RNFT2: variants seen among roughly 807,000 people sequenced by gnomAD.
RNFT2 encodes the protein E3 ubiquitin-protein ligase RNFT2.
RNFT2 carries 36 observed loss-of-function variants against 53.0 expected under a neutral mutation model. The observed-to-expected ratio is 0.68, with a 90% CI of 0.52 to 0.90. RNFT2 has a LOEUF of 0.90. RNFT2 is among the 40% of genes least tolerant of loss of function. The probability of loss-of-function intolerance (pLI) is 0.00; values close to 1 mark genes in which losing one functional copy is unlikely to be tolerated. For synonymous variants in RNFT2, 260 were observed against 253.2 expected (o/e 1.03, Z -0.26); for missense variants, 514 against 585.6 (o/e 0.88, Z 1.26).
chr12:116,795,300 C>A (rs1874451347), intron 7 of RNFT2, among the ~76,000 whole-genome samples: 1 of 151,872 alleles, frequency 6.6e-6, no homozygotes, highest in Non-Finnish European at 1.5e-5. Flanking sequence ...CCCAGCTACT[C>A]CAGAGGCTGA....
intron 7 of RNFT2, among the ~76,000 whole-genome samples, chr12:116,801,907 C>T (rs148141270): frequency 0.02 from 3,114 of 152,042 alleles, 117 homozygotes; most frequent in African/African-American, 0.071. Context: ...TTGCCACCTC[C>T]GCCTCCCAGG....
chr12:116,809,458 G>A (rs1875256646), intron 7 of RNFT2, among the ~76,000 whole-genome samples: 1 of 151,894 alleles, frequency 6.6e-6, no homozygotes, highest in African/African-American at 2.4e-5. Flanking sequence ...CTTTTTTGCT[G>A]GAATGGGCCA....
chr12:116,848,118 T>G (rs919127680), intron 10 of RNFT2, among the ~76,000 whole-genome samples: 4 of 152,156 alleles, frequency 2.6e-5, no homozygotes, highest in African/African-American at 9.7e-5. Context: ...GTTCCTGTGT[T>G]AGTTTGCTGA....
intron 5 of RNFT2, among the ~76,000 whole-genome samples, chr12:116,758,344 A>G (rs953646025): frequency 6.6e-6 from 1 of 152,230 alleles, no homozygotes; most frequent in Admixed American, 6.5e-5. Context: ...AATGTGAGGT[A>G]CCATTGCATT....
At chr12:116,800,059 A>G (rs1428827085) in intron 7 of RNFT2, among the ~76,000 whole-genome samples, 1 of 152,164 alleles carries the variant, frequency 6.6e-6, no homozygotes, top group Non-Finnish European at 1.5e-5. Context: ...CTCTCTCAAC[A>G]TGTGACACAC....
chr12:116,852,291 G>C lies in RNFT2; in HGVS notation c.*2843G>C, dbSNP rs903774. 1,118,026 of 1,236,146 alleles carry C rather than the reference G, an allele frequency of 0.9. 507,142 individuals carry two copies. The highest frequency in any genetic ancestry group is 0.93 in the Admixed American group (23,552 of 25,312). The allele number at this position is 1,236,146 out of a possible 1,614,324, so 76.6% of individuals were successfully genotyped here. Reference sequence around the variant, plus strand: ...AATGGAGGAGCTTTGTAGCCACCTCGCTGTCAGCCAGTATTAACATGTCCC... The same window carrying C: ...AATGGAGGAGCTTTGTAGCCACCTCCCTGTCAGCCAGTATTAACATGTCCC... On this transcript the variant is annotated 3_prime_UTR_variant, in exon 11 of 11. Coordinates refer to ENST00000257575, the MANE Select transcript of RNFT2 (RefSeq NM_001382266.1).
chr12:116,836,416 T>G (rs1485721236), intron 10 of RNFT2, 134 bp downstream of exon 10: 1 of 711,190 alleles, frequency 1.4e-6, no homozygotes, highest in African/African-American at 1.8e-5. Flanking sequence ...CAGCCAGACC[T>G]GGGTTCCAAT....
Position 116,763,568 on chromosome 12 carries a change from A to G in RNFT2, c.628-3246A>G, listed in dbSNP as rs181412493. Among the ~76,000 whole-genome samples the G allele has an allele frequency of 2.6e-5, 4 of 151,832 alleles. 1 individual carries two copies. The East Asian group carries it at 7.8e-4, about 29-fold the overall frequency. ...TGGATCACAAGGTCAGGAGATCGAG[A>G]CCATCCTGGCTAACACAGTGAAACC... On this transcript the variant is annotated intron_variant, in intron 5 of 10. Transcript: ENST00000257575.
At chr12:116,742,664 G>T (rs1592932491) in intron 3 of RNFT2, among the ~76,000 whole-genome samples, 2 of 152,216 alleles carry the variant, frequency 1.3e-5, no homozygotes, top group South Asian at 4.2e-4. Context: ...TGAAGGAAGG[G>T]CCATGCAGTG....
In RNFT2 at chr12:116,812,434, G is replaced by A. The variant is rs540972595; in HGVS notation, c.883-21358G>A. 1.5e-3 allele frequency among the ~76,000 whole-genome samples: 230 copies of A among 152,262 alleles called. 1 individual carries two copies. The highest frequency in any genetic ancestry group is 5.1e-3 in the African/African-American group (210 of 41,538). On this transcript the variant is annotated intron_variant, in intron 7 of 10. Transcript: ENST00000257575. ...CCAGATTACCGCAGGTCCCTGGGGCGTGGCATTACTGAAAGCAGACTTGTC... is the reference window on the plus strand; with the variant it reads ...CCAGATTACCGCAGGTCCCTGGGGCATGGCATTACTGAAAGCAGACTTGTC...
chr12:116,740,455 G>C lies in RNFT2; in HGVS notation c.-43G>C, dbSNP rs568659256. ...TGGTCACATCCCCCTGAGGATTCCC[G>C]AATGCCTACCTCCAGTGTCGTCAAC... On this transcript the variant is annotated 5_prime_UTR_variant, in exon 2 of 11. Transcript: ENST00000257575. 25 of 1,559,422 alleles carry C rather than the reference G, an allele frequency of 1.6e-5. No homozygotes were observed. The highest frequency in any genetic ancestry group is 2.1e-5 in the Non-Finnish European group (24 of 1,149,948).
chr12:116,811,936 G>T (rs536867836), intron 7 of RNFT2, among the ~76,000 whole-genome samples: 1 of 152,324 alleles, frequency 6.6e-6, no homozygotes, highest in African/African-American at 2.4e-5. Context: ...TGCCTGGTTT[G>T]AATCCTGCCT....
rs141094564 is a variant in RNFT2, at chr12:116,833,720, C to T, written c.883-72C>T. 494 of 1,511,066 alleles carry T rather than the reference C, an allele frequency of 3.3e-4. 2 individuals are homozygous for T. In the African/African-American group the frequency reaches 5.2e-3, roughly 16 times the overall value. The allele number at this position is 1,511,066 out of a possible 1,614,324, so 93.6% of individuals were successfully genotyped here. On this transcript the variant is annotated intron_variant, in intron 7 of 10. Coordinates refer to ENST00000257575, the MANE Select transcript of RNFT2 (RefSeq NM_001382266.1). ...CCTAGAATGTCATCACTGCCCGGGG[C>T]GGGGGGCCCCCCAGCTGGGTCCTTT...
chr12:116,755,511 T>C, intron 5 of RNFT2: 3 of 884,732 alleles, frequency 3.4e-6, no homozygotes, highest in Non-Finnish European at 5.8e-6. Context: ...CAGGTACCTT[T>C]CTCTTCCGCT....
chr12:116,838,671 A>T (rs901429002), intron 10 of RNFT2, among the ~76,000 whole-genome samples: 2 of 152,226 alleles, frequency 1.3e-5, no homozygotes, highest in African/African-American at 4.8e-5. Context: ...CATATGCTTC[A>T]GAGCCATCTG....
At chr12:116,843,376 G>A (rs1230355101) in intron 10 of RNFT2, among the ~76,000 whole-genome samples, 4 of 150,486 alleles carry the variant, frequency 2.7e-5, no homozygotes, top group Admixed American at 2.0e-4. Flanking sequence ...GCCTGTAGTC[G>A]AGCTACTCAG....
At chr12:116,783,777 C>T (rs112604474) in intron 7 of RNFT2, among the ~76,000 whole-genome samples, 11 of 152,360 alleles carry the variant, frequency 7.2e-5, no homozygotes, top group African/African-American at 2.2e-4. Flanking sequence ...GCAAGACAGG[C>T]GGAGCCCACA....
chr12:116,847,737 G>A (rs1877692059), intron 10 of RNFT2, among the ~76,000 whole-genome samples: 2 of 152,066 alleles, frequency 1.3e-5, no homozygotes, highest in African/African-American at 2.4e-5. Flanking sequence ...ATGTTGGTCA[G>A]GCTGGTCTCA....
chr12:116,750,204 C>T lies in RNFT2; in HGVS notation c.447C>T (p.Pro149=), dbSNP rs1449955299. The T allele has an allele frequency of 2.1e-5, 33 of 1,603,578 alleles. No individual in the cohort carries two copies. The highest frequency in any genetic ancestry group is 2.6e-5 in the Non-Finnish European group (31 of 1,178,264). The part of the protein sequence containing the change: ...EEGGDEQPGT[P]APALSELKAV... ...GAGGCGACGAGCAGCCTGGGACGCCCGCCCCCGCCCTGTCCGAGCTGAAGG... is the reference window on the plus strand; with the variant it reads ...GAGGCGACGAGCAGCCTGGGACGCCTGCCCCCGCCCTGTCCGAGCTGAAGG... The change falls in exon 4 of 11, where the codon CCC becomes CCT. Residue 149 remains proline (P), a synonymous_variant. Transcript: ENST00000257575.
Sources: allele counts gnomAD v4.1 joint callset (sites outside exome capture counted in the v4.1 genomes callset), GRCh38; gene constraint gnomAD v4.1.1; transcripts MANE v1.5; gene names NCBI Gene and HGNC (gene_info 2026-07-23, HGNC 2026-07-21).